Variants in BMPR1B observed in about 807,000 individuals in gnomAD.
BMPR1B encodes the protein bone morphogenetic protein receptor type-1B.
Under a neutral mutation model 59.1 loss-of-function variants are expected in BMPR1B, and 12 were observed. The ratio of observed to expected loss-of-function variants is 0.20; its 90% CI spans 0.13 to 0.33. The LOEUF is 0.33. Among genes scored for constraint, BMPR1B ranks in the 10% least tolerant of loss-of-function variants. BMPR1B has a pLI of 1.00. For synonymous variants in BMPR1B, 237 were observed against 207.3 expected (o/e 1.14, Z -1.23); for missense variants, 550 against 610.9 (o/e 0.90, Z 1.05).
intron 1 of BMPR1B, among the ~76,000 whole-genome samples, chr4:94,852,199 C>T (rs775061083): frequency 1.3e-5 from 2 of 152,120 alleles, no homozygotes; most frequent in Non-Finnish European, 2.9e-5. Flanking sequence ...ACTAGCATGG[C>T]TCTCTTGGTT....
chr4:94,815,668 G>A (rs1259490775), intron 1 of BMPR1B, among the ~76,000 whole-genome samples: 1 of 152,172 alleles, frequency 6.6e-6, no homozygotes, highest in Non-Finnish European at 1.5e-5. Context: ...GGCTAGATGT[G>A]TTAGCTTGGA....
chr4:95,017,946 G>A lies in BMPR1B; in HGVS notation c.-18+21812G>A, dbSNP rs377124369. Among the ~76,000 whole-genome samples, 21 of 152,204 alleles carry A rather than the reference G, an allele frequency of 1.4e-4. No individual in the cohort carries two copies. The South Asian group carries it at 2.3e-3, about 17-fold the overall frequency. Reference sequence around the variant, plus strand: ...TGTTGTGAAATGGGTAAACAAATTCGGAAGGTTTCTGTGGGCAAAATTCCT... The same window carrying A: ...TGTTGTGAAATGGGTAAACAAATTCAGAAGGTTTCTGTGGGCAAAATTCCT... On this transcript the variant is annotated intron_variant, in intron 3 of 12. Coordinates refer to ENST00000515059, the MANE Select transcript of BMPR1B (RefSeq NM_001203.3).
At chr4:94,777,412 G>C (rs969031617) in intron 1 of BMPR1B, among the ~76,000 whole-genome samples, 1 of 151,880 alleles carries the variant, frequency 6.6e-6, no homozygotes, top group African/African-American at 2.4e-5. Context: ...ACAAATACTG[G>C]CCATTACCTT....
intron 2 of BMPR1B, among the ~76,000 whole-genome samples, chr4:94,939,492 G>A (rs1729433278): frequency 6.6e-6 from 1 of 152,080 alleles, no homozygotes; most frequent in Non-Finnish European, 1.5e-5. Flanking sequence ...TTGCATATTT[G>A]GATATTTTCC....
At chr4:94,819,643 C>A (rs1017345666) in intron 1 of BMPR1B, among the ~76,000 whole-genome samples, 8 of 152,192 alleles carry the variant, frequency 5.3e-5, no homozygotes, top group South Asian at 4.1e-4. Flanking sequence ...AGATTTGAGA[C>A]CCTTATTCAG....
chr4:94,927,124 CAAT>C (rs1427218114), intron 2 of BMPR1B, among the ~76,000 whole-genome samples: 3 of 152,080 alleles, frequency 2.0e-5, no homozygotes, highest in African/African-American at 7.2e-5. Context: ...AAGAAAGGGA[CAAT>C]AAAAGCTCTA....
At chr4:95,098,250 G>A (rs1280932828) in intron 3 of BMPR1B, among the ~76,000 whole-genome samples, 1 of 151,862 alleles carries the variant, frequency 6.6e-6, no homozygotes, top group Non-Finnish European at 1.5e-5. Flanking sequence ...TATTATTTCA[G>A]CATCATAATT....
intron 1 of BMPR1B, among the ~76,000 whole-genome samples, chr4:94,814,577 GATAAT>G (rs1342616305): frequency 2.0e-5 from 3 of 152,116 alleles, no homozygotes; most frequent in East Asian, 1.9e-4. Context: ...GTTAACTAGA[GATAAT>G]ATAAGTATTA....
At chr4:95,115,898 G>A in intron 6 of BMPR1B, 111 bp downstream of exon 6, 1 of 975,474 alleles carries the variant, frequency 1.0e-6, no homozygotes, top group Non-Finnish European at 1.6e-6. Flanking sequence ...CACTGCTGGA[G>A]CAGAGCACTG....
intron 2 of BMPR1B, among the ~76,000 whole-genome samples, chr4:94,918,832 T>C (rs1184090720): frequency 1.3e-5 from 2 of 152,194 alleles, no homozygotes; most frequent in African/African-American, 2.4e-5. Context: ...ACTCTTATTA[T>C]ATGGCATTGG....
intron 3 of BMPR1B, among the ~76,000 whole-genome samples, chr4:95,028,442 G>C (rs994931939): frequency 1.3e-5 from 2 of 152,062 alleles, no homozygotes; most frequent in Non-Finnish European, 2.9e-5. Context: ...CTGTCAAGGG[G>C]TATTTATGGA....
intron 3 of BMPR1B, 129 bp from the exon 4 acceptor site, chr4:95,104,277 CTG>C: frequency 9.3e-7 from 1 of 1,077,592 alleles, no homozygotes; most frequent in Non-Finnish European, 1.3e-6. Flanking sequence ...ACCAAAATGT[CTG>C]TTTTTCTGTT....
chr4:95,084,605 T>C (rs1729427570), intron 3 of BMPR1B, among the ~76,000 whole-genome samples: 2 of 152,190 alleles, frequency 1.3e-5, no homozygotes, highest in South Asian at 4.1e-4. Context: ...ATGATTCCTT[T>C]CTTTAGAAAC....
rs751904820 is a variant in BMPR1B at position 95,043,181 on chromosome 4, C to CAAAAAA, written c.-18+47072_-18+47077dup. Among the ~76,000 whole-genome samples, 36 of 51,438 alleles carry CAAAAAA rather than the reference C, an allele frequency of 7.0e-4. 2 individuals are homozygous for CAAAAAA. Among genetic ancestry groups the CAAAAAA allele is most frequent in the African/African-American group, 1.6e-3 (18 of 10,942 alleles). 33.7% of individuals were successfully genotyped at this position (51,438 alleles called of 152,430 possible). A position where few individuals can be genotyped will look rare whatever the true frequency, so the allele number is the denominator to read the frequency against. ...TGGGCGACAGAGCGAGACTCCGTCTCAAAAAAAAAAAAAAAAAAAAAAAAA... is the reference window on the plus strand; with the variant it reads ...TGGGCGACAGAGCGAGACTCCGTCTCAAAAAAAAAAAAAAAAAAAAAAAAAAAAAAA... On this transcript the variant is annotated intron_variant, in intron 3 of 12. Coordinates refer to ENST00000515059, the MANE Select transcript of BMPR1B (RefSeq NM_001203.3).
chr4:94,804,990 T>C (rs929497334), intron 1 of BMPR1B, among the ~76,000 whole-genome samples: 5 of 152,210 alleles, frequency 3.3e-5, no homozygotes, highest in Non-Finnish European at 7.3e-5. Flanking sequence ...ATAGCCAGGA[T>C]GTACACTTTT....
rs1320649248 is a variant in BMPR1B at position 95,155,960 on chromosome 4, A to G, written c.*1287A>G. On this transcript the variant is annotated 3_prime_UTR_variant, in exon 13 of 13. Coordinates refer to ENST00000515059, the MANE Select transcript of BMPR1B (RefSeq NM_001203.3). ...GCTGCTGTGTTTTGTTCTAAAATCA[A>G]TATGGTTGGAGCATGTATATCTTAG... 6.6e-6 allele frequency: 1 copy of G among 152,192 alleles called. No homozygotes were observed. The highest frequency in any genetic ancestry group is 1.5e-5 in the Non-Finnish European group (1 of 68,032). 9.4% of individuals were successfully genotyped at this position (152,192 alleles called of 1,614,324 possible).
chr4:94,903,441 A>C (rs1393837653), intron 2 of BMPR1B, among the ~76,000 whole-genome samples: 1 of 150,942 alleles, frequency 6.6e-6, no homozygotes, highest in East Asian at 2.0e-4. Flanking sequence ...ATTGCCTCAA[A>C]AGTCTTTTTG....
At chr4:95,095,268 A>G (rs1470467242) in intron 3 of BMPR1B, among the ~76,000 whole-genome samples, 1 of 152,078 alleles carries the variant, frequency 6.6e-6, no homozygotes, top group Admixed American at 6.6e-5. Context: ...AAAAATTAAT[A>G]TTGTTTTAAA....
At chr4:94,810,391 G>A (rs1261682098) in intron 1 of BMPR1B, among the ~76,000 whole-genome samples, 1 of 152,076 alleles carries the variant, frequency 6.6e-6, no homozygotes, top group Admixed American at 6.6e-5. Flanking sequence ...TGGTTGAATA[G>A]ATCATTTTTG....
Sources: gnomAD v4.1 joint callset for allele counts (sites outside exome capture counted in the v4.1 genomes callset) on GRCh38, gnomAD v4.1.1 for gene constraint, MANE v1.5 for transcripts, NCBI Gene and HGNC (gene_info 2026-07-23, HGNC 2026-07-21) for gene names.